Variants in SULF1 observed in about 807,000 individuals in gnomAD.
SULF1 encodes the protein sulfatase 1, also known as extracellular sulfatase Sulf-1.
A neutral mutation model predicts 110.5 loss-of-function variants in SULF1; 46 were observed. That is an observed-to-expected ratio of 0.42 (90% CI 0.33 to 0.53). The LOEUF (loss-of-function observed/expected upper bound fraction) is 0.53, where lower values mean the gene tolerates loss of function less well. Among genes scored for constraint, SULF1 ranks in the 20% least tolerant of loss-of-function variants. The pLI is 0.12. For synonymous variants in SULF1, 371 were observed against 387.1 expected (o/e 0.96, Z 0.49); for missense variants, 941 against 1,094.2 (o/e 0.86, Z 1.98).
At chr8:69,625,889 A>T (rs191259719) in intron 15 of SULF1, 1 of 152,352 alleles carries the variant, frequency 6.6e-6, no homozygotes, top group East Asian at 1.9e-4. Context: ...GCCTGTTTTG[A>T]CAGGGTGCTG....
chr8:69,646,642 A>G (rs190876884), intron 22 of SULF1, among the ~76,000 whole-genome samples: 1 of 152,240 alleles, frequency 6.6e-6, no homozygotes, highest in Non-Finnish European at 1.5e-5. Context: ...GTGACTAAAT[A>G]ACTTTCCCAA....
intron 3 of SULF1, among the ~76,000 whole-genome samples, chr8:69,556,731 C>G (rs1437839428): frequency 6.6e-6 from 1 of 152,168 alleles, no homozygotes; most frequent in Non-Finnish European, 1.5e-5. Context: ...TATCGCTGCC[C>G]TTCCCCCAAA....
chr8:69,551,392 A>T (rs1371336224), intron 3 of SULF1, among the ~76,000 whole-genome samples: 3 of 152,164 alleles, frequency 2.0e-5, no homozygotes, highest in Admixed American at 2.0e-4. Flanking sequence ...AGTACGTAGA[A>T]AGAGATGTTA....
intron 8 of SULF1, chr8:69,597,100 G>A (rs113855466): frequency 1.3e-5 from 2 of 152,072 alleles, no homozygotes; most frequent in Admixed American, 6.5e-5. Context: ...TTTTTCAGTG[G>A]CTTGTGTTCC....
chr8:69,493,298 T>G (rs1383655553), intron 1 of SULF1, among the ~76,000 whole-genome samples, 173 bp downstream of exon 1: 1 of 152,146 alleles, frequency 6.6e-6, no homozygotes, highest in Admixed American at 6.5e-5. Context: ...TGGTCCCTTG[T>G]AATGATAATA....
intron 3 of SULF1, among the ~76,000 whole-genome samples, chr8:69,544,073 T>G (rs1814057445): frequency 6.6e-6 from 1 of 152,232 alleles, no homozygotes; most frequent in Admixed American, 6.5e-5. Flanking sequence ...CTAAGGTGTT[T>G]CGATTTACAC....
chr8:69,535,846 A>G (rs1295734826), intron 3 of SULF1, among the ~76,000 whole-genome samples: 1 of 152,102 alleles, frequency 6.6e-6, no homozygotes, highest in Non-Finnish European at 1.5e-5. Context: ...CCTGTCCAAC[A>G]TAGTGAAATC....
intron 3 of SULF1, among the ~76,000 whole-genome samples, chr8:69,529,994 T>C (rs1032390904): frequency 2.6e-5 from 4 of 152,200 alleles, no homozygotes; most frequent in Admixed American, 1.3e-4. Context: ...CCACACTTAC[T>C]GTCAGTTTAT....
chr8:69,647,687 G>A (rs1020142368), intron 22 of SULF1, among the ~76,000 whole-genome samples: 6 of 151,908 alleles, frequency 3.9e-5, no homozygotes, highest in Admixed American at 1.3e-4. Flanking sequence ...AGATCACCTC[G>A]TTCGAGACCA....
intron 3 of SULF1, among the ~76,000 whole-genome samples, chr8:69,559,165 T>C (rs1049795409): frequency 6.6e-6 from 1 of 152,214 alleles, no homozygotes; most frequent in Non-Finnish European, 1.5e-5. Flanking sequence ...CAGATACTTA[T>C]AGATATTTTC....
intron 13 of SULF1, among the ~76,000 whole-genome samples, chr8:69,606,597 G>A (rs1409162590): frequency 1.3e-5 from 2 of 152,122 alleles, no homozygotes; most frequent in African/African-American, 2.4e-5. Flanking sequence ...ATTTCAGTGT[G>A]TAATTTTACA....
At chr8:69,588,706 C>CT (rs1024771536) in intron 7 of SULF1, among the ~76,000 whole-genome samples, 2 of 151,706 alleles carry the variant, frequency 1.3e-5, no homozygotes, top group Non-Finnish European at 2.9e-5. Flanking sequence ...CACGACTTGA[C>CT]TTTTTTTTTC....
At chr8:69,627,389 C>T (rs1490650387) in intron 16 of SULF1, 83 bp downstream of exon 16, 4 of 892,974 alleles carry the variant, frequency 4.5e-6, no homozygotes, top group Non-Finnish European at 7.3e-6. Flanking sequence ...TGGGACATAC[C>T]ACAGATACAC....
chr8:69,641,897 C>T (rs375602709), intron 22 of SULF1, among the ~76,000 whole-genome samples: 88 of 152,160 alleles, frequency 5.8e-4, no homozygotes, highest in Admixed American at 3.3e-3. Flanking sequence ...GGAGGGGGGA[C>T]GCACGCTCCT....
At chr8:69,611,400 C>G (rs1808643343) in intron 13 of SULF1, among the ~76,000 whole-genome samples, 1 of 152,178 alleles carries the variant, frequency 6.6e-6, no homozygotes, top group Non-Finnish European at 1.5e-5. Flanking sequence ...ATTTCTCTCT[C>G]TTCTGCTTCT....
intron 8 of SULF1, among the ~76,000 whole-genome samples, chr8:69,589,779 A>C (rs770250060): frequency 6.6e-6 from 1 of 152,164 alleles, no homozygotes; most frequent in Admixed American, 6.5e-5. Flanking sequence ...TCGTGTGCCC[A>C]CAATTCTCAC....
chr8:69,560,163 G>T (rs948541303), intron 3 of SULF1, among the ~76,000 whole-genome samples: 2 of 152,014 alleles, frequency 1.3e-5, no homozygotes, highest in East Asian at 3.9e-4. Context: ...TGATATATTG[G>T]CCACCATCCC....
In SULF1 at chr8:69,603,253, G is replaced by C; in HGVS notation, c.1123G>C (p.Asp375His). The C allele has an allele frequency of 1.9e-6, 3 of 1,614,082 alleles. No homozygotes were observed. Among genetic ancestry groups the C allele is most frequent in the Non-Finnish European group, 2.5e-6 (3 of 1,180,016 alleles). ...APTILDIAGLDTPPDVDGKSV... is the reference protein window; with the variant it reads ...APTILDIAGLHTPPDVDGKSV... ...CACGATCCTGGATATTGCTGGGCTC[G>C]ACACACCTCCTGATGTGGACGGCAA... Residue 375 changes from aspartate (D) to histidine (H), a missense_variant, in exon 11 of 23, where the codon GAC becomes CAC. By Grantham distance (81) the Asp-to-His change is moderately conservative (BLOSUM62 -1). Around this residue, in one of 3 missense-constraint regions of SULF1, gnomAD observed 822 missense variants for 934.3 expected, o/e 0.88. Transcript: ENST00000402687.
intron 13 of SULF1, among the ~76,000 whole-genome samples, chr8:69,608,440 G>A (rs1020145618): frequency 1.3e-5 from 2 of 152,192 alleles, no homozygotes; most frequent in Admixed American, 1.3e-4. Context: ...AACACTTTGG[G>A]AGCCCGAGGC....
Sources: gnomAD v4.1 joint callset for allele counts (sites outside exome capture counted in the v4.1 genomes callset) on GRCh38, gnomAD v4.1.1 for gene constraint, gnomAD v4.1.1 regional missense constraint, MANE v1.5 for transcripts, NCBI Gene and HGNC (gene_info 2026-07-23, HGNC 2026-07-21) for gene names.